Variants in FLT3 observed in about 807,000 individuals in gnomAD.
The protein encoded by FLT3 is receptor-type tyrosine-protein kinase FLT3.
FLT3 carries 46 observed loss-of-function variants against 126.6 expected under a neutral mutation model. The ratio of observed to expected loss-of-function variants is 0.36; its 90% CI spans 0.29 to 0.46. FLT3 has a LOEUF of 0.46. Ranked by LOEUF, FLT3 falls within the 20% of genes least tolerant of loss-of-function variation. The probability of loss-of-function intolerance (pLI) is 1.00; values close to 1 mark genes in which losing one functional copy is unlikely to be tolerated. For synonymous variants in FLT3, 404 were observed against 434.4 expected (o/e 0.93, Z 0.87); for missense variants, 1,069 against 1,190.3 (o/e 0.90, Z 1.50).
At chr13:28,023,212 C>T (rs1189546539) in intron 19 of FLT3, 138 bp downstream of exon 19, 17 of 846,392 alleles carry the variant, frequency 2.0e-5, no homozygotes, top group Non-Finnish European at 2.9e-5. Flanking sequence ...CAAGGTAACA[C>T]GCTAGGTGAC....
chr13:28,012,942 A>G (rs555120016), intron 23 of FLT3, among the ~76,000 whole-genome samples: 1 of 152,114 alleles, frequency 6.6e-6, no homozygotes, highest in Admixed American at 6.6e-5. Flanking sequence ...GTCTCAAAAA[A>G]AAAAAAAGTG....
chr13:28,014,699 G>A, intron 22 of FLT3, 142 bp from the exon 23 acceptor site: 1 of 606,824 alleles, frequency 1.6e-6, no homozygotes, highest in Non-Finnish European at 2.9e-6. Flanking sequence ...TCCTCTACCA[G>A]ATTTTGAATT....
chr13:28,073,015 A>AAAAACAAC (rs1555261265), intron 1 of FLT3, among the ~76,000 whole-genome samples: 1 of 149,982 alleles, frequency 6.7e-6, no homozygotes, highest in African/African-American at 2.5e-5. Flanking sequence ...TAAAAAAAAA[A>AAAAACAAC]AACAACAACA....
intron 4 of FLT3, among the ~76,000 whole-genome samples, chr13:28,055,466 C>T (rs1233276163): frequency 6.6e-6 from 1 of 152,138 alleles, no homozygotes; most frequent in South Asian, 2.1e-4. Flanking sequence ...TTAATTTAGA[C>T]GTTATATTTT....
At chr13:28,023,865 G>C (rs1357817096) in intron 18 of FLT3, among the ~76,000 whole-genome samples, 4 of 151,916 alleles carry the variant, frequency 2.6e-5, no homozygotes, top group Non-Finnish European at 5.9e-5. Flanking sequence ...CACGATCTTG[G>C]CCTGCTGCAA....
intron 9 of FLT3, among the ~76,000 whole-genome samples, chr13:28,042,978 T>C (rs1874521666): frequency 6.6e-6 from 1 of 152,052 alleles, no homozygotes; most frequent in Non-Finnish European, 1.5e-5. Flanking sequence ...GTGGTTCTTC[T>C]GAGCAGGACC....
At position 28,048,258 on chromosome 13, in the gene FLT3, G is replaced by A. The variant is rs1418908020; in HGVS notation, c.1205+17C>T. 1 of 1,598,002 alleles carries A rather than the reference G, an allele frequency of 6.3e-7. No individual in the cohort carries two copies. On this transcript the variant is annotated intron_variant, in intron 9 of 23. Coordinates refer to ENST00000241453, the MANE Select transcript of FLT3 (RefSeq NM_004119.3). ...ATTATGCTAAAAATGGTATCTTAGAGTCCTTTGTGGTCTCACCTGTATCCG... is the reference window on the plus strand; with the variant it reads ...ATTATGCTAAAAATGGTATCTTAGAATCCTTTGTGGTCTCACCTGTATCCG...
intron 17 of FLT3, among the ~76,000 whole-genome samples, chr13:28,026,524 G>T (rs777817276): frequency 3.3e-5 from 5 of 152,054 alleles, no homozygotes; most frequent in Non-Finnish European, 7.4e-5. Context: ...CCTCATTTAT[G>T]CCCGCTAAAG....
At chr13:28,063,959 G>A (rs1328908351) in intron 2 of FLT3, among the ~76,000 whole-genome samples, 3 of 152,044 alleles carry the variant, frequency 2.0e-5, no homozygotes, top group Admixed American at 1.3e-4. Context: ...CATAAAAGAT[G>A]GGCACAAGAT....
chr13:28,035,887 G>A (rs373109083), intron 11 of FLT3, 48 bp downstream of exon 11: 1 of 1,435,954 alleles, frequency 7.0e-7, no homozygotes, highest in Non-Finnish European at 9.8e-7. Context: ...CAATAGGTCA[G>A]AGAGTTTTAT....
intron 9 of FLT3, among the ~76,000 whole-genome samples, chr13:28,045,245 A>G (rs181950153): frequency 1.3e-5 from 2 of 152,356 alleles, no homozygotes; most frequent in East Asian, 1.9e-4. Context: ...ACCAGATATC[A>G]CCAGCACAGT....
chr13:28,008,987 A>T lies in FLT3; in HGVS notation c.2860-4813T>A, dbSNP rs1206813554. ...TTTTCAATTTTTATTTATTTATTTT[A>T]TTCTTTAGAGATGGGATCTCTCTCC... On this transcript the variant is annotated intron_variant, in intron 23 of 23. Transcript: ENST00000241453. Among the ~76,000 whole-genome samples, 5 of 151,666 alleles carry T rather than the reference A, an allele frequency of 3.3e-5. No individual in the cohort carries two copies. In the East Asian group the frequency reaches 9.7e-4, roughly 29 times the overall value.
intron 9 of FLT3, among the ~76,000 whole-genome samples, chr13:28,042,211 G>T (rs1286499607): frequency 6.8e-6 from 1 of 147,628 alleles, no homozygotes; most frequent in African/African-American, 2.5e-5. Flanking sequence ...CAAAGAAAGA[G>T]AAAGAAAAAA....
At position 28,057,329 on chromosome 13, in the gene FLT3, G is replaced by A. The variant is rs373692914; in HGVS notation, c.484+18C>T. 2.0e-5 allele frequency: 21 copies of A among 1,037,310 alleles called. No individual in the cohort carries two copies. In the South Asian group the frequency reaches 2.3e-4, roughly 11 times the overall value. 64.3% of individuals were successfully genotyped at this position (1,037,310 alleles called of 1,614,324 possible). On this transcript the variant is annotated intron_variant, in intron 4 of 23. Coordinates refer to ENST00000241453, the MANE Select transcript of FLT3 (RefSeq NM_004119.3). The stretch of plus-strand genomic sequence containing the variant: ...TGTGGTATTCCAGGCTGGAATACTA[G>A]TAGCAGGCTGGACTTACTTCTTATA...
At chr13:28,060,087 A>T (rs1054811961) in intron 3 of FLT3, among the ~76,000 whole-genome samples, 3 of 151,586 alleles carry the variant, frequency 2.0e-5, no homozygotes, top group African/African-American at 7.3e-5. Flanking sequence ...CAACTAAAAA[A>T]CAAGACACTT....
chr13:28,061,546 G>A (rs1199589139), intron 3 of FLT3, among the ~76,000 whole-genome samples: 2 of 151,884 alleles, frequency 1.3e-5, no homozygotes, highest in Non-Finnish European at 2.9e-5. Flanking sequence ...TGGGTGGATC[G>A]CTTAAACCCA....
At chr13:28,030,152 G>T (rs530247989) in intron 15 of FLT3, among the ~76,000 whole-genome samples, 6 of 152,086 alleles carry the variant, frequency 3.9e-5, no homozygotes, top group African/African-American at 1.4e-4. Context: ...TGGCTTCTCC[G>T]GTGCTGACAT....
intron 21 of FLT3, 113 bp downstream of exon 21, chr13:28,015,477 G>A: frequency 1.5e-6 from 1 of 686,170 alleles, no homozygotes; most frequent in African/African-American, 1.8e-5. Flanking sequence ...ATAAAGTCAT[G>A]GGCTGCAATA....
At chr13:28,076,321 T>C (rs1214001702) in intron 1 of FLT3, among the ~76,000 whole-genome samples, 1 of 152,224 alleles carries the variant, frequency 6.6e-6, no homozygotes, top group Non-Finnish European at 1.5e-5. Flanking sequence ...ATAGGATATA[T>C]ATACATATAT....
Sources: allele counts gnomAD v4.1 joint callset (sites outside exome capture counted in the v4.1 genomes callset), GRCh38; gene constraint gnomAD v4.1.1; transcripts MANE v1.5; gene names NCBI Gene and HGNC (gene_info 2026-07-23, HGNC 2026-07-21).